Variants in SLC9A3 observed in about 807,000 individuals in gnomAD.
SLC9A3 encodes the protein solute carrier family 9 member A3, also known as sodium/hydrogen exchanger 3.
A neutral mutation model predicts 86.8 loss-of-function variants in SLC9A3; 37 were observed. That is an observed-to-expected ratio of 0.43 (90% confidence interval 0.33 to 0.56). The LOEUF (loss-of-function observed/expected upper bound fraction) is 0.56. SLC9A3 is among the 20% of genes least tolerant of loss of function. The pLI is 0.06. For synonymous variants in SLC9A3, 581 were observed against 528.3 expected, an observed-to-expected ratio of 1.10 and a Z score of -1.37; for missense variants, 1,011 against 1,171.9, an observed-to-expected ratio of 0.86 and a Z score of 2.00.
At chr5:480,024 A>T in intron 9 of SLC9A3, 59 bp from the exon 10 acceptor site, 1 of 1,577,052 alleles carries the variant, frequency 6.3e-7, no homozygotes, top group Non-Finnish European at 8.7e-7. Context: ...AGCCCGCCGG[A>T]CGCGTGGCCC....
At chr5:521,296 G>A (rs893888494) in intron 1 of SLC9A3, among the ~76,000 whole-genome samples, 1 of 152,232 alleles carries the variant, frequency 6.6e-6, no homozygotes, top group African/African-American at 2.4e-5. Flanking sequence ...CAGGCTCCTG[G>A]GCCACCTGCT....
chr5:486,000 G>A (rs1739443809), intron 3 of SLC9A3, among the ~76,000 whole-genome samples: 1 of 152,208 alleles, frequency 6.6e-6, no homozygotes, highest in Non-Finnish European at 1.5e-5. Context: ...GGGGCACACG[G>A]GGCTGTCACT....
rs371199982 is a variant in SLC9A3 at position 515,661 on chromosome 5, C to T, written c.211+8451G>A. Among the ~76,000 whole-genome samples the T allele has an allele frequency of 7.9e-4, 120 of 151,376 alleles. 6 individuals are homozygous for T. The East Asian group carries it at 0.014, about 18-fold the overall frequency. ...GCTCCTCAGACACACACACACATCC[C>T]GCTGCTCCTGAAACACCCACACATT... On this transcript the variant is annotated intron_variant, in intron 1 of 16. Transcript: ENST00000264938.
At chr5:507,163 C>CTGCTTTTTTTTTTTTTTTTTTTTTTTTT in intron 1 of SLC9A3, among the ~76,000 whole-genome samples, 1 of 34,754 alleles carries the variant, frequency 2.9e-5, no homozygotes, top group Non-Finnish European at 5.6e-5. Context: ...CCGGCTGCTG[C>CTGCTTTTTTTTTTTTTTTTTTTTTTTTT]TTCTTTTTTT....
At chr5:518,328 T>C (rs1560977842) in intron 1 of SLC9A3, among the ~76,000 whole-genome samples, 1 of 151,848 alleles carries the variant, frequency 6.6e-6, no homozygotes, top group Non-Finnish European at 1.5e-5. Flanking sequence ...CCTGGCACCC[T>C]GAGACCTGAT....
At chr5:494,606 ACTTC>A (rs894561402) in intron 1 of SLC9A3, among the ~76,000 whole-genome samples, 6 of 152,038 alleles carry the variant, frequency 3.9e-5, no homozygotes, top group South Asian at 2.1e-4. Flanking sequence ...GGAGTTTACC[ACTTC>A]CTTCCTTTCT....
intron 1 of SLC9A3, among the ~76,000 whole-genome samples, chr5:521,000 G>T (rs1471975392): frequency 6.6e-6 from 1 of 152,236 alleles, no homozygotes; most frequent in East Asian, 1.9e-4. Context: ...GCAGGCTGGG[G>T]GCCCCCAAGG....
At chr5:515,166 C>T (rs1483026232) in intron 1 of SLC9A3, among the ~76,000 whole-genome samples, 2 of 152,102 alleles carry the variant, frequency 1.3e-5, no homozygotes, top group Non-Finnish European at 2.9e-5. Flanking sequence ...CGGTCTCCCA[C>T]CCCAGAGTCC....
Position 475,114 on chromosome 5 carries a change from A to G in SLC9A3, c.2270T>C (p.Phe757Ser). Reference protein sequence around the residue: ...DSPAGIDNPVFSPDEALDRSL... With the variant: ...DSPAGIDNPVSSPDEALDRSL... ...GCGGTCCAGGGCCTCGTCCGGAGAA[A>G]ACACAGGGTTGTCAATTCCTAGGAG... Residue 757 changes from phenylalanine to serine, a missense_variant, in exon 16 of 17, where the codon TTT becomes TCT. Physicochemically the swap from Phe to Ser is radical, Grantham distance 155. Transcript: ENST00000264938. 5 of 1,600,154 alleles carry G rather than the reference A, an allele frequency of 3.1e-6. No homozygotes were observed. The highest frequency in any genetic ancestry group is 4.3e-6 in the Non-Finnish European group (5 of 1,172,398).
In SLC9A3 at chr5:476,526, C is replaced by T. The variant is rs1275096062; in HGVS notation, c.1890+17G>A. 9 of 1,609,404 alleles carry T rather than the reference C, an allele frequency of 5.6e-6. No homozygotes were observed. The highest frequency in any genetic ancestry group is 4.5e-5 in the East Asian group (2 of 44,860). On this transcript the variant is annotated intron_variant, in intron 12 of 16. Transcript: ENST00000264938. ...GGTCCCTGCGGGGTCCTCCAGCCCC[C>T]AGCCCGCAGTGCCCACCTCCTGCCG...
intron 1 of SLC9A3, among the ~76,000 whole-genome samples, chr5:522,346 T>C (rs758329242): frequency 8.5e-5 from 13 of 152,206 alleles, no homozygotes; most frequent in South Asian, 2.1e-4. Context: ...CAGTGTGCCT[T>C]ATCTGCCGGC....
chr5:471,946 G>A lies in SLC9A3; in HGVS notation c.*1433C>T, dbSNP rs921763173. On this transcript the variant is annotated 3_prime_UTR_variant, in exon 17 of 17. Transcript: ENST00000264938. ...AACTCTTTAAGAACTCCTCCTGACT[G>A]GTGACTGTCAACACTTGATCTGAAA... 1 of 456,544 alleles carries A rather than the reference G, an allele frequency of 2.2e-6. No homozygotes were observed. The highest frequency in any genetic ancestry group is 4.4e-6 in the Non-Finnish European group (1 of 226,982). The allele number at this position is 456,544 out of a possible 1,614,324, so 28.3% of individuals were successfully genotyped here.
chr5:492,294 C>T (rs62330268), intron 1 of SLC9A3, among the ~76,000 whole-genome samples: 1 of 38,586 alleles, frequency 2.6e-5, no homozygotes, highest in Non-Finnish European at 4.8e-5. Context: ...GGGACCCGTG[C>T]GGCAGAGGAG....
At chr5:473,447 G>C (rs1210226934) in intron 16 of SLC9A3, 65 bp from the exon 17 acceptor site, 1 of 1,296,614 alleles carries the variant, frequency 7.7e-7, no homozygotes, top group Non-Finnish European at 9.8e-7. Flanking sequence ...GGGCGTCCCC[G>C]GGGGCCTCAG....
intron 1 of SLC9A3, among the ~76,000 whole-genome samples, chr5:521,045 C>A (rs1733870854): frequency 6.6e-6 from 1 of 152,250 alleles, no homozygotes; most frequent in Non-Finnish European, 1.5e-5. Context: ...CTGCCTGAGG[C>A]AGACACTAGG....
In SLC9A3 at chr5:524,319, A is replaced by G. The variant is rs1417204459; in HGVS notation, c.4T>C (p.Trp2Arg). The G allele has an allele frequency of 8.0e-7, 1 of 1,251,410 alleles. No individual in the cohort carries two copies. Among genetic ancestry groups the G allele is most frequent in the Non-Finnish European group, 1.0e-6 (1 of 991,318 alleles). 77.5% of individuals were successfully genotyped at this position (1,251,410 alleles called of 1,614,324 possible). Residue 2 changes from tryptophan (W) to arginine (R), a missense_variant, in exon 1 of 17, where the codon TGG becomes CGG. Transcript: ENST00000264938. MWGLGARGPDRG... is the reference protein window; with the variant it reads MRGLGARGPDRG... ...TCGGGGCCCCGGGCCCCGAGTCCCCACATTGCCGCCTGCTCAGCGCAGGGC... is the reference window on the plus strand; with the variant it reads ...TCGGGGCCCCGGGCCCCGAGTCCCCGCATTGCCGCCTGCTCAGCGCAGGGC...
rs770907769 is a variant in SLC9A3 at position 524,233 on chromosome 5, C to A, written c.90G>T (p.Val30=). The change falls in exon 1 of 17, where the codon GTG becomes GTT. Residue 30 remains valine (V), a synonymous_variant. Coordinates refer to ENST00000264938, the MANE Select transcript of SLC9A3 (RefSeq NM_004174.4). Reference sequence around the variant, plus strand: ...TCTCGCCGTGCGCGCCGCCGGGCTCCACCTCGACGCCCCCGGCCCGCGCCA... The same window carrying A: ...TCTCGCCGTGCGCGCCGCCGGGCTCAACCTCGACGCCCCCGGCCCGCGCCA... ...GGLARAGGVE[V]EPGGAHGESG... The A allele has an allele frequency of 5.3e-6, 8 of 1,496,340 alleles. No homozygotes were observed. The highest frequency in any genetic ancestry group is 5.3e-6 in the Non-Finnish European group (6 of 1,122,240). The allele number at this position is 1,496,340 out of a possible 1,614,324, so 92.7% of individuals were successfully genotyped here. A position where few individuals can be genotyped will look rare whatever the true frequency, so the allele number is the denominator to read the frequency against.
At chr5:476,138 C>G (rs1278487219) in intron 13 of SLC9A3, 46 bp from the exon 14 acceptor site, 19 of 1,612,094 alleles carry the variant, frequency 1.2e-5, no homozygotes, top group Non-Finnish European at 1.6e-5. Flanking sequence ...ACAGCCACAC[C>G]CAGCCCTGAC....
Position 484,714 on chromosome 5 carries a change from C to T in SLC9A3, c.755-17G>A, listed in dbSNP as rs752037981. Reference sequence around the variant, plus strand: ...AGAAGGACACTGGGTAGAGGACGCCCTTTGTGGCCGTGCCGGCCTTCCGGG... The same window carrying T: ...AGAAGGACACTGGGTAGAGGACGCCTTTTGTGGCCGTGCCGGCCTTCCGGG... On this transcript the variant is annotated splice_polypyrimidine_tract_variant and intron_variant, in intron 4 of 16. Coordinates refer to ENST00000264938, the MANE Select transcript of SLC9A3 (RefSeq NM_004174.4). 2 of 1,610,546 alleles carry T rather than the reference C, an allele frequency of 1.2e-6. No individual in the cohort carries two copies. The highest frequency in any genetic ancestry group is 1.1e-5 in the South Asian group (1 of 91,052).
Sources: allele counts gnomAD v4.1 joint callset (sites outside exome capture counted in the v4.1 genomes callset), GRCh38; gene constraint gnomAD v4.1.1; transcripts MANE v1.5; gene names NCBI Gene and HGNC (gene_info 2026-07-23, HGNC 2026-07-21).